Variants in FAT3 observed in about 807,000 individuals in gnomAD.
FAT3 encodes protocadherin Fat 3.
Under a neutral mutation model 310.2 loss-of-function variants are expected in FAT3, and 95 were observed. The ratio of observed to expected loss-of-function variants is 0.31; its 90% CI spans 0.26 to 0.36. The LOEUF (loss-of-function observed/expected upper bound fraction) is 0.36, where lower values mean the gene tolerates loss of function less well. Among genes scored for constraint, FAT3 ranks in the 10% least tolerant of loss-of-function variants. The pLI, the probability that FAT3 is intolerant of heterozygous loss-of-function variation, is 1.00. For missense variants in FAT3, 5,408 were observed against 5,715.6 expected (o/e 0.95, Z 1.74); for synonymous variants, 2,314 against 2,192.9 (o/e 1.06, Z -1.54).
chr11:92,817,719 G>A (rs1947858412), intron 13 of FAT3, among the ~76,000 whole-genome samples: 1 of 152,228 alleles, frequency 6.6e-6, no homozygotes, highest in Non-Finnish European at 1.5e-5. Flanking sequence ...CAGCATAGCT[G>A]CCTATGAAGG....
At position 92,717,778 on chromosome 11, in the gene FAT3, T is replaced by C. The variant is rs541521852; in HGVS notation, c.3669+20333T>C. On this transcript the variant is annotated intron_variant, in intron 4 of 27. Coordinates refer to ENST00000525166, the MANE Select transcript of FAT3 (RefSeq NM_001367949.2). ...GTGGTCAATGTGATGGGGACAAAGA[T>C]GAGTAAGATTTGGCTCATTGGGACC... is the stretch of plus-strand genomic sequence containing the variant. 8.5e-5 allele frequency among the ~76,000 whole-genome samples: 13 copies of C among 152,266 alleles called. No homozygotes were observed. The East Asian group carries it at 2.5e-3, about 29-fold the overall frequency.
At chr11:92,675,520 T>G (rs559878179) in intron 3 of FAT3, among the ~76,000 whole-genome samples, 3 of 152,322 alleles carry the variant, frequency 2.0e-5, no homozygotes, top group South Asian at 2.1e-4. Flanking sequence ...ATTGGAGAGA[T>G]AACAGTCTTT....
At chr11:92,375,276 G>T (rs915502925) in intron 2 of FAT3, among the ~76,000 whole-genome samples, 1 of 151,940 alleles carries the variant, frequency 6.6e-6, no homozygotes, top group African/African-American at 2.4e-5. Flanking sequence ...TGGGACTACA[G>T]ATGCATGCCA....
chr11:92,545,128 T>C (rs1954574605), intron 3 of FAT3, among the ~76,000 whole-genome samples: 1 of 152,152 alleles, frequency 6.6e-6, no homozygotes, highest in Admixed American at 6.5e-5. Context: ...CCCAAGGCTG[T>C]TGCTGTTCCT....
intron 1 of FAT3, among the ~76,000 whole-genome samples, chr11:92,342,315 G>T (rs1948285456): frequency 6.6e-6 from 1 of 152,004 alleles, no homozygotes; most frequent in African/African-American, 2.4e-5. Flanking sequence ...ACCATCCACT[G>T]GCTTTCCCCT....
At chr11:92,805,020 G>T (rs1947463878) in intron 10 of FAT3, 133 bp from the exon 11 acceptor site, 1 of 784,990 alleles carries the variant, frequency 1.3e-6, no homozygotes, top group Non-Finnish European at 1.9e-6. Flanking sequence ...GGGAGTCTCA[G>T]TATCTTTGTA....
chr11:92,461,802 G>T (rs1445365038), intron 2 of FAT3, among the ~76,000 whole-genome samples: 2 of 152,140 alleles, frequency 1.3e-5, no homozygotes, highest in African/African-American at 4.8e-5. Context: ...GGGAATGACG[G>T]TGTTTAGAAG....
chr11:92,235,814 A>ATAC (rs1864394631), intron 1 of FAT3, among the ~76,000 whole-genome samples: 1 of 152,184 alleles, frequency 6.6e-6, no homozygotes, highest in Non-Finnish European at 1.5e-5. Flanking sequence ...TGTTCTAAGC[A>ATAC]AGTGTTGGGA....
At chr11:92,742,663 G>GTCC (rs1171278079) in intron 4 of FAT3, among the ~76,000 whole-genome samples, 5 of 152,170 alleles carry the variant, frequency 3.3e-5, no homozygotes, top group Non-Finnish European at 5.9e-5. Context: ...TCTTGCTTTT[G>GTCC]TCCTTCCACC....
intron 2 of FAT3, among the ~76,000 whole-genome samples, chr11:92,503,874 G>A (rs1449775683): frequency 6.6e-6 from 1 of 152,122 alleles, no homozygotes; most frequent in African/African-American, 2.4e-5. Flanking sequence ...TCTCACATAT[G>A]TAAAGGGATT....
intron 3 of FAT3, among the ~76,000 whole-genome samples, chr11:92,607,569 G>A (rs1424737174): frequency 6.6e-6 from 1 of 152,114 alleles, no homozygotes; most frequent in African/African-American, 2.4e-5. Context: ...AGGGATAATT[G>A]TTGTTTTGCT....
intron 3 of FAT3, among the ~76,000 whole-genome samples, chr11:92,650,639 A>G (rs1275213281): frequency 2.0e-5 from 3 of 152,216 alleles, no homozygotes; most frequent in Non-Finnish European, 1.5e-5. Flanking sequence ...TCAAGCTACC[A>G]AAGTGAAGTC....
chr11:92,801,555 C>A lies in FAT3; in HGVS notation c.8542C>A (p.Gln2848Lys), dbSNP rs779995829. The A allele has an allele frequency of 3.7e-5, 60 of 1,607,828 alleles. No individual in the cohort carries two copies. Among genetic ancestry groups the A allele is most frequent in the Non-Finnish European group, 4.8e-5 (57 of 1,176,952 alleles). ...AIDMDWGANG[Q>K]VTYSLHSDSQ... is the part of the protein sequence containing the mutation. ...TGATATGGACTGGGGAGCCAATGGA[C>A]AAGTCACTTACTCCCTCCACTCGGA... is the stretch of plus-strand genomic sequence containing the variant. The change falls in exon 10 of 28, where the codon CAA becomes AAA. Residue 2848 changes from glutamine to lysine, a missense_variant. Transcript: ENST00000525166.
chr11:92,755,096 A>G (rs1403671240), intron 4 of FAT3, among the ~76,000 whole-genome samples: 2 of 152,206 alleles, frequency 1.3e-5, no homozygotes, highest in African/African-American at 4.8e-5. Context: ...ATGTTGATCA[A>G]AGGATACGAA....
At chr11:92,838,490 T>C (rs1284686748) in intron 17 of FAT3, among the ~76,000 whole-genome samples, 1 of 152,116 alleles carries the variant, frequency 6.6e-6, no homozygotes, top group East Asian at 1.9e-4. Flanking sequence ...GTACTGAGCG[T>C]CCTCTACTTC....
intron 2 of FAT3, among the ~76,000 whole-genome samples, chr11:92,444,669 G>T (rs913885781): frequency 7.5e-6 from 1 of 133,440 alleles, no homozygotes; most frequent in South Asian, 2.6e-4. Flanking sequence ...TGGGGGGGGG[G>T]GAAAACATAC....
intron 4 of FAT3, among the ~76,000 whole-genome samples, chr11:92,760,658 A>C (rs542293092): frequency 5.9e-5 from 9 of 152,374 alleles, no homozygotes; most frequent in African/African-American, 2.2e-4. Context: ...AATGGGAATA[A>C]ATAAACCTGC....
At position 92,892,940 on chromosome 11, in the gene FAT3, T is replaced by C. The variant is rs1949948398; in HGVS notation, c.*1827T>C. 1.3e-5 allele frequency: 2 copies of C among 152,294 alleles called. No homozygotes were observed. The highest frequency in any genetic ancestry group is 1.3e-4 in the Admixed American group (2 of 15,294). The allele number at this position is 152,294 out of a possible 1,614,324, so 9.4% of individuals were successfully genotyped here. ...ACTTTCCTTTTTTGCTTCAATCAGA[T>C]TACGGCCGCCTGTGCAGTGGCCATG... On this transcript the variant is annotated 3_prime_UTR_variant, in exon 28 of 28. Coordinates refer to ENST00000525166, the MANE Select transcript of FAT3 (RefSeq NM_001367949.2).
At chr11:92,331,327 C>G (rs1002960548) in intron 1 of FAT3, among the ~76,000 whole-genome samples, 114 of 150,064 alleles carry the variant, frequency 7.6e-4, no homozygotes, top group African/African-American at 2.8e-3. Context: ...GAAAACCTCT[C>G]TGAGGTATTA....
Sources: allele counts gnomAD v4.1 joint callset (sites outside exome capture counted in the v4.1 genomes callset), GRCh38; gene constraint gnomAD v4.1.1; transcripts MANE v1.5; gene names NCBI Gene and HGNC (gene_info 2026-07-23, HGNC 2026-07-21).